The following RTN1 variants were observed in gnomAD, a reference collection of about 807,000 sequenced individuals.
RTN1 encodes the protein reticulon 1, also known as reticulon-1.
In RTN1, 25 loss-of-function variants were observed where a neutral mutation model predicts 65.5. The observed-to-expected ratio is 0.38, with a 90% confidence interval of 0.28 to 0.53. The LOEUF is 0.53. Among genes scored for constraint, RTN1 ranks in the 20% least tolerant of loss-of-function variants. The pLI is 0.79. For synonymous variants in RTN1, 471 were observed against 447.6 expected (o/e 1.05, Z -0.66); for missense variants, 983 against 1,025.4 (o/e 0.96, Z 0.57).
At chr14:59,633,421 A>C (rs138736907) in intron 3 of RTN1, among the ~76,000 whole-genome samples, 107 of 152,380 alleles carry the variant, frequency 7.0e-4, no homozygotes, top group African/African-American at 2.2e-3. Flanking sequence ...TCATAATTAT[A>C]ATACAAATAA....
intron 3 of RTN1, chr14:59,630,320 C>G (rs1282869746): frequency 7.5e-6 from 9 of 1,195,464 alleles, no homozygotes; most frequent in Middle Eastern, 2.0e-4. Flanking sequence ...TTACTACCCC[C>G]CAACACAAAG....
intron 3 of RTN1, among the ~76,000 whole-genome samples, chr14:59,687,428 G>T (rs774915517): frequency 4.6e-5 from 7 of 151,748 alleles, no homozygotes; most frequent in African/African-American, 1.4e-4. Context: ...GGTATGAGGG[G>T]CCCTCTCTGC....
In RTN1 at chr14:59,840,134, C is replaced by A. The variant is rs72716182; in HGVS notation, c.241+30256G>T. ...TGATTCTATTCCATTCTAGGATGGG[C>A]CTATCCTGGTTTAAAACACTCATTT... On this transcript the variant is annotated intron_variant, in intron 1 of 8. Transcript: ENST00000267484. Among the ~76,000 whole-genome samples the A allele has an allele frequency of 3.6e-3, 545 of 152,208 alleles. 3 individuals carry two copies. The highest frequency in any genetic ancestry group is 6.1e-3 in the Non-Finnish European group (418 of 68,008).
At chr14:59,845,480 G>A (rs1168299225) in intron 1 of RTN1, among the ~76,000 whole-genome samples, 3 of 151,904 alleles carry the variant, frequency 2.0e-5, no homozygotes, top group South Asian at 2.1e-4. Context: ...CCACAGTTTC[G>A]GCTCCACTGT....
In RTN1 at chr14:59,870,564, T is replaced by G; in HGVS notation, c.67A>C (p.Arg23=). ...TCGTTCTCCCCCTCCCCCCGGTGCC[T>G]GAGCCACTGGGACCCGGGGCCGGCC... The part of the protein sequence containing the change: ...PLAGPGSQWL[R]HRGEGENEAV... The change falls in exon 1 of 9, where the codon AGG becomes CGG. Residue 23 remains arginine, a synonymous_variant. Coordinates refer to ENST00000267484, the MANE Select transcript of RTN1 (RefSeq NM_021136.3). This position sits in a 1 kb window ranked among gnomAD's most constrained non-coding sequence, Gnocchi z 5.1. The G allele has an allele frequency of 6.9e-7, 1 of 1,456,392 alleles. No homozygotes were observed. Among genetic ancestry groups the G allele is most frequent in the South Asian group, 1.3e-5 (1 of 75,020 alleles). 90.2% of individuals were successfully genotyped at this position (1,456,392 alleles called of 1,614,324 possible). A position where few individuals can be genotyped will look rare whatever the true frequency, so the allele number is the denominator to read the frequency against.
intron 3 of RTN1, among the ~76,000 whole-genome samples, chr14:59,654,367 G>A: frequency 6.6e-6 from 1 of 150,936 alleles, no homozygotes. Flanking sequence ...AGGGGAGGTT[G>A]GCAGTGAGCC....
chr14:59,626,734 A>G (rs964976547), intron 3 of RTN1, among the ~76,000 whole-genome samples: 13 of 152,154 alleles, frequency 8.5e-5, no homozygotes, highest in African/African-American at 3.1e-4. Flanking sequence ...CTCCTTTATA[A>G]CATGAGAGTA....
intron 1 of RTN1, among the ~76,000 whole-genome samples, chr14:59,822,203 G>C (rs1045641102): frequency 4.6e-5 from 7 of 152,128 alleles, no homozygotes; most frequent in Non-Finnish European, 8.8e-5. Flanking sequence ...TTATTGGTCT[G>C]TTCAGGATTT....
intron 1 of RTN1, among the ~76,000 whole-genome samples, chr14:59,833,053 T>C (rs1377349755): frequency 6.6e-6 from 1 of 152,212 alleles, no homozygotes; most frequent in African/African-American, 2.4e-5. Context: ...CCTTTTCTCC[T>C]CCTTTCCTTA....
At chr14:59,866,408 G>A (rs1887799773) in intron 1 of RTN1, among the ~76,000 whole-genome samples, 1 of 152,142 alleles carries the variant, frequency 6.6e-6, no homozygotes, top group African/African-American at 2.4e-5. Context: ...GTAAAAAAGA[G>A]ATGGAGAGAG....
chr14:59,683,511 A>G (rs1409672200), intron 3 of RTN1, among the ~76,000 whole-genome samples: 3 of 152,036 alleles, frequency 2.0e-5, no homozygotes, highest in African/African-American at 7.2e-5. Flanking sequence ...ACTTTGTAAT[A>G]TACTTGCCTA....
chr14:59,618,799 C>T (rs941493112), intron 3 of RTN1, among the ~76,000 whole-genome samples: 2 of 152,270 alleles, frequency 1.3e-5, no homozygotes, highest in Admixed American at 6.5e-5. Context: ...GCTTTTAGAA[C>T]TAGATATTTA....
intron 3 of RTN1, among the ~76,000 whole-genome samples, chr14:59,710,541 T>C (rs1394981848): frequency 1.3e-5 from 2 of 152,232 alleles, no homozygotes; most frequent in Non-Finnish European, 2.9e-5. Flanking sequence ...ATAATGTCCT[T>C]GAGGTGGGCT....
intron 1 of RTN1, among the ~76,000 whole-genome samples, chr14:59,865,781 T>C (rs1887787463): frequency 6.6e-6 from 1 of 152,196 alleles, no homozygotes; most frequent in African/African-American, 2.4e-5. Context: ...CCAGCATCGT[T>C]TTCAAAACTC....
intron 1 of RTN1, among the ~76,000 whole-genome samples, chr14:59,761,923 G>A (rs764970424): frequency 3.3e-5 from 5 of 152,134 alleles, no homozygotes; most frequent in Non-Finnish European, 7.4e-5. Flanking sequence ...GTATCCTTTG[G>A]GAAGCACACA....
At chr14:59,749,230 A>C (rs1289006518) in intron 1 of RTN1, among the ~76,000 whole-genome samples, 39 of 46,972 alleles carry the variant, frequency 8.3e-4, no homozygotes, top group Non-Finnish European at 1.1e-3. Flanking sequence ...CTATATATCT[A>C]TATATATCTA....
At chr14:59,728,119 T>C (rs1884819438) in intron 2 of RTN1, among the ~76,000 whole-genome samples, 2 of 152,176 alleles carry the variant, frequency 1.3e-5, no homozygotes, top group Non-Finnish European at 1.5e-5. Flanking sequence ...TATCAACAAA[T>C]CTGAAAATCA....
At chr14:59,758,323 C>T (rs1885680882) in intron 1 of RTN1, among the ~76,000 whole-genome samples, 1 of 152,086 alleles carries the variant, frequency 6.6e-6, no homozygotes, top group South Asian at 2.1e-4. Context: ...ATTACCATGT[C>T]ACTTCTCTAT....
At chr14:59,739,139 A>G (rs1250499006) in intron 2 of RTN1, among the ~76,000 whole-genome samples, 1 of 151,916 alleles carries the variant, frequency 6.6e-6, no homozygotes, top group East Asian at 1.9e-4. Context: ...CATCCTGCAC[A>G]TGTACCCCTG....
Sources: gnomAD v4.1 joint callset for allele counts (sites outside exome capture counted in the v4.1 genomes callset) on GRCh38, gnomAD v4.1.1 for gene constraint, Gnocchi (gnomAD v3.1) non-coding constraint, MANE v1.5 for transcripts, NCBI Gene and HGNC (gene_info 2026-07-23, HGNC 2026-07-21) for gene names.